SPAG16: variants seen among roughly 807,000 people sequenced by gnomAD.
SPAG16 encodes sperm-associated antigen 16 protein.
SPAG16 carries 86 observed loss-of-function variants against 80.4 expected under a neutral mutation model. The ratio of observed to expected loss-of-function variants is 1.07; its 90% CI spans 0.90 to 1.28. The LOEUF (loss-of-function observed/expected upper bound fraction) is 1.28, where lower values mean the gene tolerates loss of function less well. SPAG16 is among the 50% of genes most tolerant of loss of function. SPAG16 has a pLI of 0.00. For missense variants in SPAG16, 870 were observed against 765.3 expected, an observed-to-expected ratio of 1.14 and a Z score of -1.61; for synonymous variants, 294 against 265.9, an observed-to-expected ratio of 1.11 and a Z score of -1.03.
chr2:214,000,042 C>T (rs2046717568), intron 12 of SPAG16, among the ~76,000 whole-genome samples: 1 of 152,116 alleles, frequency 6.6e-6, no homozygotes, highest in South Asian at 2.1e-4. Context: ...TGAGTTAATG[C>T]TGAAATGAGT....
intron 14 of SPAG16, among the ~76,000 whole-genome samples, chr2:214,122,614 T>C (rs534696352): frequency 2.0e-5 from 3 of 151,990 alleles, no homozygotes; most frequent in East Asian, 1.9e-4. Flanking sequence ...CATACAGTGA[T>C]TGATCCCCTG....
intron 15 of SPAG16, among the ~76,000 whole-genome samples, chr2:214,400,333 A>T (rs1481387327): frequency 6.6e-6 from 1 of 152,026 alleles, no homozygotes; most frequent in Non-Finnish European, 1.5e-5. Context: ...GGCCCCATGT[A>T]GCTGCAGATT....
chr2:213,763,631 G>A (rs1007074791), intron 10 of SPAG16, among the ~76,000 whole-genome samples: 11 of 151,012 alleles, frequency 7.3e-5, no homozygotes, highest in African/African-American at 1.7e-4. Context: ...TATACTGTGT[G>A]CTTAAAAATT....
intron 15 of SPAG16, 22 bp from the exon 16 acceptor site, chr2:214,410,118 C>G (rs1481866878): frequency 3.7e-6 from 6 of 1,612,162 alleles, no homozygotes; most frequent in Non-Finnish European, 4.2e-6. Context: ...TTCTCTCTCT[C>G]TCTCCTCTCT....
chr2:214,211,308 G>A (rs944161342), intron 15 of SPAG16, among the ~76,000 whole-genome samples: 2 of 152,148 alleles, frequency 1.3e-5, no homozygotes. Context: ...TTTAGTGTTT[G>A]TTGTTGTTCA....
At chr2:213,845,305 C>T (rs534911421) in intron 10 of SPAG16, among the ~76,000 whole-genome samples, 106 of 151,216 alleles carry the variant, frequency 7.0e-4, no homozygotes, top group African/African-American at 2.5e-3. Context: ...TCAAATGATT[C>T]TCCTGCCTCA....
intron 10 of SPAG16, among the ~76,000 whole-genome samples, chr2:213,608,769 T>C (rs1430851990): frequency 3.9e-5 from 6 of 152,250 alleles, no homozygotes. Context: ...CACTGCCAAC[T>C]CCGCCTCCTG....
intron 11 of SPAG16, among the ~76,000 whole-genome samples, chr2:213,911,835 C>CAAAAAAAA (rs10644766): frequency 7.9e-6 from 1 of 126,144 alleles, no homozygotes; most frequent in Non-Finnish European, 1.6e-5. Flanking sequence ...AAACAGTTAG[C>CAAAAAAAA]AAAAAAAAAA....
intron 13 of SPAG16, among the ~76,000 whole-genome samples, chr2:214,099,737 C>T (rs2052863597): frequency 6.6e-6 from 1 of 151,998 alleles, no homozygotes; most frequent in Non-Finnish European, 1.5e-5. Context: ...TTTGACTTTA[C>T]AACCATATTT....
At chr2:213,609,053 A>G (rs191480190) in intron 10 of SPAG16, among the ~76,000 whole-genome samples, 86 of 152,350 alleles carry the variant, frequency 5.6e-4, no homozygotes, top group African/African-American at 2.0e-3. Context: ...CTTTTAAAAG[A>G]TCTCTATAAA....
intron 7 of SPAG16, among the ~76,000 whole-genome samples, chr2:213,354,709 A>G (rs565551944): frequency 1.3e-5 from 2 of 148,284 alleles, no homozygotes; most frequent in African/African-American, 4.9e-5. Context: ...CTGTTCATAT[A>G]CTTTGTTTTT....
chr2:213,660,918 T>C (rs759603882), intron 10 of SPAG16, among the ~76,000 whole-genome samples: 3 of 152,158 alleles, frequency 2.0e-5, no homozygotes, highest in Non-Finnish European at 4.4e-5. Flanking sequence ...CAATAAGTAG[T>C]GCTGGCTTCC....
At chr2:213,342,270 ATATT>A (rs1450810367) in intron 6 of SPAG16, among the ~76,000 whole-genome samples, 3 of 149,596 alleles carry the variant, frequency 2.0e-5, no homozygotes, top group East Asian at 1.9e-4. Flanking sequence ...AAGTGTATAT[ATATT>A]ACATACATAT....
chr2:213,553,201 G>C (rs1269914943), intron 10 of SPAG16, among the ~76,000 whole-genome samples: 2 of 152,086 alleles, frequency 1.3e-5, no homozygotes, highest in Non-Finnish European at 2.9e-5. Context: ...GCCTTCATCT[G>C]TCCATACACA....
intron 9 of SPAG16, among the ~76,000 whole-genome samples, chr2:213,474,951 G>T (rs1043170845): frequency 7.2e-5 from 11 of 152,162 alleles, no homozygotes; most frequent in African/African-American, 2.7e-4. Context: ...TTGACACTCA[G>T]TATTAACCAT....
At chr2:214,243,856 T>A (rs886805356) in intron 15 of SPAG16, among the ~76,000 whole-genome samples, 1 of 152,086 alleles carries the variant, frequency 6.6e-6, no homozygotes, top group Non-Finnish European at 1.5e-5. Context: ...TTCTCTGACA[T>A]CCTACAAATA....
intron 10 of SPAG16, among the ~76,000 whole-genome samples, chr2:213,619,934 G>C (rs1176516507): frequency 6.6e-6 from 1 of 152,074 alleles, no homozygotes; most frequent in Admixed American, 6.5e-5. Flanking sequence ...ACGGATGAAT[G>C]GATAAATAAA....
chr2:213,336,385 G>A (rs2064359277), intron 5 of SPAG16, among the ~76,000 whole-genome samples: 1 of 126,776 alleles, frequency 7.9e-6, no homozygotes, highest in Admixed American at 8.4e-5. Context: ...AAGCCAGGGG[G>A]CCAAGTGGCC....
At chr2:214,354,946 C>G (rs930961754) in intron 15 of SPAG16, among the ~76,000 whole-genome samples, 1 of 152,088 alleles carries the variant, frequency 6.6e-6, no homozygotes, top group African/African-American at 2.4e-5. Flanking sequence ...CATCTGCAAA[C>G]AGGGACAATT....
Sources: gnomAD v4.1 joint callset for allele counts (sites outside exome capture counted in the v4.1 genomes callset) on GRCh38, gnomAD v4.1.1 for gene constraint, MANE v1.5 for transcripts, NCBI Gene and HGNC (gene_info 2026-07-23, HGNC 2026-07-21) for gene names.